DGKB: variants seen among roughly 807,000 people sequenced by gnomAD.
DGKB encodes 90 kDa diacylglycerol kinase.
DGKB carries 67 observed loss-of-function variants against 114.3 expected under a neutral mutation model. The observed-to-expected ratio is 0.59, with a 90% CI of 0.48 to 0.72. The LOEUF (loss-of-function observed/expected upper bound fraction) is 0.72, where lower values mean the gene tolerates loss of function less well. Ranked by LOEUF, DGKB falls within the 30% of genes least tolerant of loss-of-function variation. The probability of loss-of-function intolerance (pLI) is 0.00; values close to 1 mark genes in which losing one functional copy is unlikely to be tolerated. For synonymous variants in DGKB, 398 were observed against 323.1 expected (o/e 1.23, Z -2.49); for missense variants, 907 against 975.2 (o/e 0.93, Z 0.93).
intron 1 of DGKB, among the ~76,000 whole-genome samples, chr7:14,877,272 AT>A (rs1485393341): frequency 6.6e-6 from 1 of 152,118 alleles, no homozygotes; most frequent in South Asian, 2.1e-4. Context: ...GAAAAATTTT[AT>A]GGCCGGGTGT....
At chr7:14,903,672 T>A (rs1042391532), upstream of DGKB, among the ~76,000 whole-genome samples, 2 of 152,064 alleles carry the variant, frequency 1.3e-5, no homozygotes, top group Admixed American at 6.6e-5. Context: ...ATGGATGAAG[T>A]AGAAAGGCAG....
chr7:14,489,858 C>G (rs1486498022), intron 20 of DGKB, among the ~76,000 whole-genome samples: 1 of 151,998 alleles, frequency 6.6e-6, no homozygotes, highest in Non-Finnish European at 1.5e-5. Context: ...GAATAGATCT[C>G]AAAGGCGCGG....
At chr7:14,793,357 G>A (rs745521674) in intron 2 of DGKB, among the ~76,000 whole-genome samples, 10 of 151,984 alleles carry the variant, frequency 6.6e-5, no homozygotes, top group Non-Finnish European at 1.5e-4. Flanking sequence ...GCTACCCCAA[G>A]AAAACATTCC....
At chr7:14,188,124 A>G (rs1783718891) in intron 23 of DGKB, among the ~76,000 whole-genome samples, 1 of 152,184 alleles carries the variant, frequency 6.6e-6, no homozygotes, top group African/African-American at 2.4e-5. Flanking sequence ...TATGAACTTG[A>G]AGACAGATCT....
At chr7:14,547,899 C>T (rs1024044182) in intron 20 of DGKB, among the ~76,000 whole-genome samples, 1 of 152,086 alleles carries the variant, frequency 6.6e-6, no homozygotes, top group Non-Finnish European at 1.5e-5. Context: ...TTTAGAAGAT[C>T]CCTTGCTTTG....
At chr7:14,840,361 G>A (rs1482384007) in intron 2 of DGKB, among the ~76,000 whole-genome samples, 5 of 151,978 alleles carry the variant, frequency 3.3e-5, no homozygotes, top group African/African-American at 4.8e-5. Context: ...TTTGGTGCCT[G>A]CTATTAATTA....
At chr7:14,681,221 T>A (rs1395959694) in intron 12 of DGKB, among the ~76,000 whole-genome samples, 1 of 152,046 alleles carries the variant, frequency 6.6e-6, no homozygotes, top group East Asian at 1.9e-4. Flanking sequence ...GTGTAAAATT[T>A]GAATCATCGT....
At chr7:14,170,338 T>G (rs1398553060) in intron 25 of DGKB, among the ~76,000 whole-genome samples, 1 of 152,146 alleles carries the variant, frequency 6.6e-6, no homozygotes, top group Non-Finnish European at 1.5e-5. Flanking sequence ...GCTTCAGGTT[T>G]TTTCTTAAAT....
At chr7:14,836,567 C>T (rs1278800367) in intron 2 of DGKB, among the ~76,000 whole-genome samples, 1 of 152,184 alleles carries the variant, frequency 6.6e-6, no homozygotes, top group African/African-American at 2.4e-5. Flanking sequence ...AAAGCACCGA[C>T]AGACCAATAA....
intron 21 of DGKB, among the ~76,000 whole-genome samples, chr7:14,462,397 C>A (rs1054677875): frequency 1.3e-5 from 2 of 152,158 alleles, no homozygotes; most frequent in African/African-American, 4.8e-5. Flanking sequence ...TGATAAGCAA[C>A]TTCAGCAGTC....
intron 20 of DGKB, among the ~76,000 whole-genome samples, chr7:14,495,495 T>C (rs1318538941): frequency 1.3e-5 from 2 of 151,744 alleles, no homozygotes; most frequent in African/African-American, 2.4e-5. Context: ...GACAGCAAAA[T>C]AGACGAAACA....
chr7:14,722,748 G>T (rs1009609335), intron 5 of DGKB, among the ~76,000 whole-genome samples: 10 of 152,002 alleles, frequency 6.6e-5, no homozygotes, highest in African/African-American at 2.4e-4. Context: ...GGAGGTGGAG[G>T]TTGCAGTGAG....
intron 23 of DGKB, among the ~76,000 whole-genome samples, chr7:14,222,898 C>G (rs146315067): frequency 2.0e-5 from 3 of 151,448 alleles, no homozygotes; most frequent in African/African-American, 7.3e-5. Flanking sequence ...TATTAAATGT[C>G]CTTCTTTATC....
intron 22 of DGKB, among the ~76,000 whole-genome samples, chr7:14,341,692 T>A (rs2043435391): frequency 1.3e-5 from 2 of 151,842 alleles, no homozygotes; most frequent in Admixed American, 6.6e-5. Context: ...AAGAAGACGG[T>A]TTCAATTTTT....
intron 13 of DGKB, among the ~76,000 whole-genome samples, chr7:14,658,505 TCA>T (rs1175353174): frequency 6.6e-6 from 1 of 151,824 alleles, no homozygotes; most frequent in Non-Finnish European, 1.5e-5. Context: ...ATTTTAATGT[TCA>T]ATAGTAGAGT....
In DGKB at chr7:14,246,886, TTAA is replaced by T. The variant is rs569750646; in HGVS notation, c.2123-68738_2123-68736del. Among the ~76,000 whole-genome samples the T allele has an allele frequency of 1.4e-3, 219 of 152,294 alleles. 1 individual carries two copies. Among genetic ancestry groups the T allele is most frequent in the African/African-American group, 4.9e-3 (205 of 41,576 alleles). On this transcript the variant is annotated intron_variant, in intron 23 of 25. Coordinates refer to ENST00000402815, the MANE Select transcript of DGKB (RefSeq NM_001350709.2). ...TTATTAACTATACTGCTGTATATTA[TTAA>T]TGACACTGCAATACATACTTTATAT...
chr7:14,314,404 T>G (rs1261720470), intron 23 of DGKB, among the ~76,000 whole-genome samples: 1 of 150,234 alleles, frequency 6.7e-6, no homozygotes, highest in South Asian at 2.1e-4. Flanking sequence ...GAAGAATGTA[T>G]AACTAGAATA....
intron 1 of DGKB, among the ~76,000 whole-genome samples, chr7:14,926,652 C>T (rs1280634374): frequency 6.6e-6 from 1 of 151,378 alleles, no homozygotes; most frequent in East Asian, 1.9e-4. Flanking sequence ...GTGCTGCTGT[C>T]TCATATTCTC....
chr7:14,273,826 A>G (rs1002812529), intron 23 of DGKB, among the ~76,000 whole-genome samples: 3 of 152,176 alleles, frequency 2.0e-5, no homozygotes, highest in African/African-American at 4.8e-5. Flanking sequence ...AATTTAGTTC[A>G]TATTGAGGTG....
Sources: gnomAD v4.1 joint callset for allele counts (sites outside exome capture counted in the v4.1 genomes callset) on GRCh38, gnomAD v4.1.1 for gene constraint, MANE v1.5 for transcripts, NCBI Gene and HGNC (gene_info 2026-07-23, HGNC 2026-07-21) for gene names.